ASPM: variants seen among roughly 807,000 people sequenced by gnomAD.
ASPM encodes abnormal spindle-like microcephaly-associated protein.
In ASPM, 256 loss-of-function variants were observed where a neutral mutation model predicts 366.4. That is an observed-to-expected ratio of 0.70 (90% CI 0.63 to 0.77). The LOEUF (loss-of-function observed/expected upper bound fraction) is 0.77. Among genes scored for constraint, ASPM ranks in the 30% least tolerant of loss-of-function variants. ASPM has a pLI of 0.00. For missense variants in ASPM, 4,146 were observed against 4,090.4 expected, an observed-to-expected ratio of 1.01 and a Z score of -0.37; for synonymous variants, 1,414 against 1,342.9, an observed-to-expected ratio of 1.05 and a Z score of -1.16.
intron 6 of ASPM, among the ~76,000 whole-genome samples, chr1:197,132,737 T>C (rs542669693): frequency 6.7e-6 from 1 of 149,468 alleles, no homozygotes; most frequent in African/African-American, 2.4e-5. Flanking sequence ...TACGTATATA[T>C]ACAAATAAAT....
chr1:197,142,340 T>G lies in ASPM; in HGVS notation c.1912A>C (p.Lys638Gln). The G allele has an allele frequency of 6.2e-7, 1 of 1,613,696 alleles. No homozygotes were observed. Among genetic ancestry groups the G allele is most frequent in the Non-Finnish European group, 8.5e-7 (1 of 1,179,708 alleles). Residue 638 changes from lysine to glutamine, a missense_variant, in exon 3 of 28, where the codon AAG (lysine) becomes CAG (glutamine). By Grantham distance (53) the Lys-to-Gln change is moderately conservative. Coordinates refer to ENST00000367409, the MANE Select transcript of ASPM (RefSeq NM_018136.5). ...TATAAACAAGACTCACCAGTTTTCT[T>G]CTTCAGGTTTAATTTCTCTCTGTTG... ...ISNREKLNLK[K>Q]KTDLSIFRTP...
In ASPM at chr1:197,133,441, T is replaced by A. The variant is rs184969664; in HGVS notation, c.2328A>T (p.Glu776Asp). Residue 776 changes from glutamate (E) to aspartate (D), a missense_variant, in exon 6 of 28, where the codon GAA (glutamate) becomes GAT (aspartate). Glu to Asp is a conservative substitution (Grantham distance 45, BLOSUM62 2). Transcript: ENST00000367409. ...GCTTTTTAATAGCTTTAACCATTTTTTCAGAAGTAAACAAACGGCATGCTG... is the reference window on the plus strand; with the variant it reads ...GCTTTTTAATAGCTTTAACCATTTTATCAGAAGTAAACAAACGGCATGCTG... ...RRAACRLFTS[E>D]KMVKAIKKLE... 8.6e-5 allele frequency: 139 copies of A among 1,614,104 alleles called. No homozygotes were observed. The East Asian group carries it at 2.9e-3, about 34-fold the overall frequency.
In ASPM at chr1:197,095,719, G is replaced by A. The variant is rs142842039; in HGVS notation, c.8987+279C>T. Reference sequence around the variant, plus strand: ...CTAAATGATTTTATTCACTTCCTACGTCTCTGTCCTTACTCTAATCCTTAT... The same window carrying A: ...CTAAATGATTTTATTCACTTCCTACATCTCTGTCCTTACTCTAATCCTTAT... On this transcript the variant is annotated intron_variant, in intron 19 of 27. Transcript: ENST00000367409. Among the ~76,000 whole-genome samples, 104 of 151,380 alleles carry A rather than the reference G, an allele frequency of 6.9e-4. No individual in the cohort carries two copies. The East Asian group carries it at 0.019, about 28-fold the overall frequency.
chr1:197,114,921 G>A (rs1657699229), intron 17 of ASPM, among the ~76,000 whole-genome samples: 1 of 151,916 alleles, frequency 6.6e-6, no homozygotes, highest in Non-Finnish European at 1.5e-5. Context: ...GCTAATTTCT[G>A]TATTTTTAGT....
rs148555951 is a variant in ASPM, at chr1:197,100,974, T to C, written c.8277A>G (p.Lys2759=). Residue 2759 remains lysine (K), a synonymous_variant, in exon 18 of 28, where the codon AAA becomes AAG. Coordinates refer to ENST00000367409, the MANE Select transcript of ASPM (RefSeq NM_018136.5). ...CTGCCATCTTTTCCTCTGATACATT[T>C]TTCAATTTTTGTCTAACTTTCATGC... ...FRGMKVRQKL[K]NVSEEKMAAI... 2.2e-4 allele frequency: 354 copies of C among 1,612,448 alleles called. No homozygotes were observed. Among genetic ancestry groups the C allele is most frequent in the Non-Finnish European group, 2.8e-4 (326 of 1,179,142 alleles).
Position 197,090,388 on chromosome 1 carries a change from C to G in ASPM, c.9637G>C (p.Ala3213Pro), listed in dbSNP as rs768345856. 1.2e-6 allele frequency: 2 copies of G among 1,600,896 alleles called. No homozygotes were observed. The highest frequency in any genetic ancestry group is 1.7e-5 in the Admixed American group (1 of 59,692). The change falls in exon 24 of 28, where the codon GCA becomes CCA. Residue 3213 changes from alanine to proline, a missense_variant and splice_region_variant. Coordinates refer to ENST00000367409, the MANE Select transcript of ASPM (RefSeq NM_018136.5). ...CTCCAAGAATAGCCTCTCCATAATG[C>G]CTTAAAGAGATAAAACAGAGTAATT... ...KFTSGIIKIQ[A>P]LWRGYSWRKK... is the part of the protein sequence containing the mutation.
chr1:197,146,632 T>C lies in ASPM; in HGVS notation c.-195A>G. On this transcript the variant is annotated 5_prime_UTR_variant, in exon 1 of 28. Coordinates refer to ENST00000367409, the MANE Select transcript of ASPM (RefSeq NM_018136.5). ...AAACAAGCCCAATAAACTCGCAAAT[T>C]AAAAAGAGGAGCCAAACAAGTATGG... The C allele has an allele frequency of 1.6e-6, 1 of 637,294 alleles. No individual in the cohort carries two copies. Among genetic ancestry groups the C allele is most frequent in the South Asian group, 1.9e-5 (1 of 51,524 alleles). The allele number at this position is 637,294 out of a possible 1,614,324, so 39.5% of individuals were successfully genotyped here.
chr1:197,141,932 A>G (rs903599770), intron 3 of ASPM, among the ~76,000 whole-genome samples: 1 of 152,154 alleles, frequency 6.6e-6, no homozygotes, highest in Non-Finnish European at 1.5e-5. Context: ...CAATATGTAC[A>G]ATTCTGATTC....
rs1557947641 is a variant in ASPM, at chr1:197,104,103, T to A, written c.5148A>T (p.Lys1716Asn). Residue 1716 changes from lysine to asparagine, a missense_variant, in exon 18 of 28, where the codon AAA becomes AAT. Physicochemically the swap from Lys to Asn is moderately conservative, Grantham distance 94 (BLOSUM62 0). This residue lies in a region of ASPM where 3,624 missense variants were observed against 3,591.7 expected (regional missense o/e 1.01). Transcript: ENST00000367409. ...LFIQQCYRSKKIAAQKREEYM... is the reference protein window; with the variant it reads ...LFIQQCYRSKNIAAQKREEYM... Reference sequence around the variant, plus strand: ...ACTCTTCTCTCTTTTGTGCAGCTATTTTTTTGGAACGGTAACATTGCTGGA... The same window carrying A: ...ACTCTTCTCTCTTTTGTGCAGCTATATTTTTGGAACGGTAACATTGCTGGA... The A allele has an allele frequency of 6.2e-7, 1 of 1,613,044 alleles. No individual in the cohort carries two copies. Among genetic ancestry groups the A allele is most frequent in the South Asian group, 1.1e-5 (1 of 91,054 alleles).
At chr1:197,142,121 A>C (rs1388531489) in intron 3 of ASPM, among the ~76,000 whole-genome samples, 1 of 152,182 alleles carries the variant, frequency 6.6e-6, no homozygotes, top group East Asian at 1.9e-4. Flanking sequence ...TTGTTATCTG[A>C]TCAGAACATA....
At chr1:197,145,845 A>AATAT (rs71131744) in intron 1 of ASPM, among the ~76,000 whole-genome samples, 23 of 147,680 alleles carry the variant, frequency 1.6e-4, no homozygotes, top group African/African-American at 2.6e-4. Context: ...TCAATTAGAG[A>AATAT]ATATATATAT....
At chr1:197,132,081 G>C (rs1371220324) in intron 7 of ASPM, among the ~76,000 whole-genome samples, 1 of 151,564 alleles carries the variant, frequency 6.6e-6, no homozygotes, top group Non-Finnish European at 1.5e-5. Flanking sequence ...ATTACAATAT[G>C]GTGTAATAAT....
In ASPM at chr1:197,122,214, C is replaced by T. The variant is rs759834725; in HGVS notation, c.3686G>A (p.Gly1229Glu). 2.5e-6 allele frequency: 4 copies of T among 1,612,638 alleles called. No individual in the cohort carries two copies. The Admixed American group carries it at 6.7e-5, about 27-fold the overall frequency. The change falls in exon 15 of 28, where the codon GGA becomes GAA. Residue 1229 changes from glycine (G) to glutamate (E), a missense_variant. Gly to Glu is a moderately conservative substitution (Grantham distance 98). Coordinates refer to ENST00000367409, the MANE Select transcript of ASPM (RefSeq NM_018136.5). ...TGAATGATTAATCATAGCAGGTATT[C>T]CACCAAGGTCTCTAACTGCAGACCT... is the stretch of plus-strand genomic sequence containing the variant. ...LVRSAVRDLG[G>E]IPAMINHSDM...
At chr1:197,094,939 T>A (rs1006026323) in intron 19 of ASPM, among the ~76,000 whole-genome samples, 1 of 151,716 alleles carries the variant, frequency 6.6e-6, no homozygotes, top group South Asian at 2.1e-4. Context: ...TGTATCTTTA[T>A]ATGCTTTTTA....
Position 197,143,959 on chromosome 1 carries a change from T to C in ASPM, c.439A>G (p.Lys147Glu). 6.2e-7 allele frequency: 1 copy of C among 1,605,480 alleles called. No individual in the cohort carries two copies. Among genetic ancestry groups the C allele is most frequent in the East Asian group, 2.2e-5 (1 of 44,700 alleles). Residue 147 changes from lysine (K) to glutamate (E), a missense_variant and splice_region_variant, in exon 2 of 28, where the codon AAG (lysine) becomes GAG (glutamate). Physicochemically the swap from Lys to Glu is moderately conservative, Grantham distance 56. This residue lies in a region of ASPM where 512 missense variants were observed against 471.7 expected (regional missense o/e 1.09). Coordinates refer to ENST00000367409, the MANE Select transcript of ASPM (RefSeq NM_018136.5). ...TCACAGAATGGTTAAAACATTACCT[T>C]TTTCTTTTTCTGCTCTTCTGCATTT... is the stretch of plus-strand genomic sequence containing the variant. ...LGNAEEQKKK[K>E]RSLWDTIKKK... is the part of the protein sequence containing the mutation.
chr1:197,122,679 A>T, intron 13 of ASPM, 84 bp from the exon 14 acceptor site: 1 of 1,262,740 alleles, frequency 7.9e-7, no homozygotes, highest in Non-Finnish European at 1.1e-6. Flanking sequence ...TGTGAATAAT[A>T]AAGGCAGAGA....
Position 197,104,017 on chromosome 1 carries a change from C to T in ASPM, c.5234G>A (p.Arg1745Gln), listed in dbSNP as rs759295799. 25 of 1,612,434 alleles carry T rather than the reference C, an allele frequency of 1.6e-5. No individual in the cohort carries two copies. The highest frequency in any genetic ancestry group is 8.9e-5 in the East Asian group (4 of 44,838). ...TTTTCTTTGTAACCTCATCTGCTTT[C>T]GGACAAGGTATCCTCTAACAAATGC... ...LQAFVRGYLV[R>Q]KQMRLQRKAV... is the part of the protein sequence containing the mutation. The change falls in exon 18 of 28, where the codon CGA (arginine) becomes CAA (glutamine). Residue 1745 changes from arginine (R) to glutamine (Q), a missense_variant. Physicochemically the swap from Arg to Gln is conservative, Grantham distance 43. Coordinates refer to ENST00000367409, the MANE Select transcript of ASPM (RefSeq NM_018136.5).
At position 197,101,001 on chromosome 1, in the gene ASPM, T is replaced by G. The variant is rs1228560622; in HGVS notation, c.8250A>C (p.Arg2750Ser). Residue 2750 changes from arginine to serine, a missense_variant, in exon 18 of 28, where the codon AGA (arginine) becomes AGC (serine). This residue lies in a region of ASPM where 3,624 missense variants were observed against 3,591.7 expected (regional missense o/e 1.01). Coordinates refer to ENST00000367409, the MANE Select transcript of ASPM (RefSeq NM_018136.5). ...KSVRTIQAAF[R>S]GMKVRQKLKN... The stretch of plus-strand genomic sequence containing the variant: ...TCAATTTTTGTCTAACTTTCATGCC[T>G]CTAAAAGCAGCCTGAATAGTTCGTA... 6.2e-7 allele frequency: 1 copy of G among 1,612,366 alleles called. No individual in the cohort carries two copies. Among genetic ancestry groups the G allele is most frequent in the African/African-American group, 1.3e-5 (1 of 74,786 alleles).
rs1657923224 is a variant in ASPM, at chr1:197,121,992, T to C, written c.3793A>G (p.Lys1265Glu). ...FLCARLLDLR[K>E]EIRAARLIQT... ...ATGAGTCGAGCAGCTCTTATTTCTT[T>C]ACGAAGATCCAAAAGCCTTGCACAA... is the stretch of plus-strand genomic sequence containing the variant. The change falls in exon 16 of 28, where the codon AAA becomes GAA. Residue 1265 changes from lysine (K) to glutamate (E), a missense_variant. By Grantham distance (56) the Lys-to-Glu change is moderately conservative. Around this residue, in one of 3 missense-constraint regions of ASPM, gnomAD observed 3,624 missense variants for 3,591.7 expected, o/e 1.01. Transcript: ENST00000367409. 1 of 1,611,950 alleles carries C rather than the reference T, an allele frequency of 6.2e-7. No individual in the cohort carries two copies. The highest frequency in any genetic ancestry group is 1.7e-5 in the Admixed American group (1 of 59,872).
Sources: gnomAD v4.1 joint callset for allele counts (sites outside exome capture counted in the v4.1 genomes callset) on GRCh38, gnomAD v4.1.1 for gene constraint, gnomAD v4.1.1 regional missense constraint, MANE v1.5 for transcripts, NCBI Gene and HGNC (gene_info 2026-07-23, HGNC 2026-07-21) for gene names.